The following RASGEF1A variants were observed in gnomAD, a reference collection of about 807,000 sequenced individuals.
RASGEF1A encodes the protein ras-GEF domain-containing family member 1A.
RASGEF1A carries 18 observed loss-of-function variants against 56.4 expected under a neutral mutation model. The ratio of observed to expected loss-of-function variants is 0.32; its 90% CI spans 0.22 to 0.47. RASGEF1A has a LOEUF of 0.47. Ranked by LOEUF, RASGEF1A falls within the 20% of genes least tolerant of loss-of-function variation. The pLI is 1.00. For synonymous variants in RASGEF1A, 245 were observed against 242.6 expected, an observed-to-expected ratio of 1.01 and a Z score of -0.09; for missense variants, 422 against 627.1, an observed-to-expected ratio of 0.67 and a Z score of 3.49.
chr10:43,235,633 T>G (rs1840420192), intron 1 of RASGEF1A, among the ~76,000 whole-genome samples: 1 of 152,208 alleles, frequency 6.6e-6, no homozygotes, highest in South Asian at 2.1e-4. Context: ...TGTGTGGGAC[T>G]CAGTGCTCAG....
intron 1 of RASGEF1A, among the ~76,000 whole-genome samples, chr10:43,227,273 C>A (rs1046494098): frequency 6.6e-6 from 1 of 152,182 alleles, no homozygotes; most frequent in Admixed American, 6.5e-5. Flanking sequence ...CTCCCCCAGG[C>A]AGCCCTTCCT....
chr10:43,230,799 C>G (rs1054905134), intron 1 of RASGEF1A, among the ~76,000 whole-genome samples: 1 of 152,202 alleles, frequency 6.6e-6, no homozygotes, highest in Non-Finnish European at 1.5e-5. Context: ...TGCCTCCCAG[C>G]TTGTTTGCCT....
chr10:43,205,022 G>T (rs1198745218), intron 2 of RASGEF1A, among the ~76,000 whole-genome samples: 1 of 152,230 alleles, frequency 6.6e-6, no homozygotes, highest in African/African-American at 2.4e-5. Context: ...CAACAGAAAG[G>T]CAAGGCCCCC....
rs138082482 is a variant in RASGEF1A, at chr10:43,234,371, G to A, written c.-6-28249C>T. Among the ~76,000 whole-genome samples the A allele has an allele frequency of 3.2e-3, 481 of 152,262 alleles. 2 individuals carry two copies. Among genetic ancestry groups the A allele is most frequent in the Non-Finnish European group, 5.5e-3 (377 of 68,024 alleles). ...TCATCCCCCCAAGAACAAAGGCAGAGTTGGGGCAAACCCTGCTCCCTCTTC... is the reference window on the plus strand; with the variant it reads ...TCATCCCCCCAAGAACAAAGGCAGAATTGGGGCAAACCCTGCTCCCTCTTC... On this transcript the variant is annotated intron_variant, in intron 1 of 12. Transcript: ENST00000395810.
intron 4 of RASGEF1A, 75 bp downstream of exon 4, chr10:43,201,733 C>A: frequency 7.1e-7 from 1 of 1,416,418 alleles, no homozygotes; most frequent in Admixed American, 2.2e-5. Flanking sequence ...GAGTTGTCCC[C>A]GAAGCCCCCA....
rs1420251891 is a variant in RASGEF1A at position 43,196,681 on chromosome 10, G to T, written c.1349-133C>A. On this transcript the variant is annotated intron_variant, in intron 11 of 12. Coordinates refer to ENST00000395810, the MANE Select transcript of RASGEF1A (RefSeq NM_145313.4). The surrounding 1 kb of genome is among the most constrained non-coding windows in gnomAD (Gnocchi z 4.6). ...GCTGGGCTGAACACAGTTCTCTGCT[G>T]TGCGGGGCTCTCAGGCTGCCTGTTG... The T allele has an allele frequency of 4.6e-6, 4 of 879,032 alleles. No individual in the cohort carries two copies. The highest frequency in any genetic ancestry group is 7.2e-6 in the Non-Finnish European group (4 of 551,864). The allele number at this position is 879,032 out of a possible 1,614,324, so 54.5% of individuals were successfully genotyped here.
chr10:43,203,151 C>G (rs1839934633), intron 3 of RASGEF1A, 147 bp downstream of exon 3: 1 of 632,338 alleles, frequency 1.6e-6, no homozygotes, highest in African/African-American at 1.9e-5. Flanking sequence ...CCCCATCCCA[C>G]AGTCCCAGCC....
chr10:43,234,031 C>T (rs1444687368), intron 1 of RASGEF1A, among the ~76,000 whole-genome samples: 1 of 151,850 alleles, frequency 6.6e-6, no homozygotes, highest in African/African-American at 2.4e-5. Flanking sequence ...AGCTCAGGGC[C>T]GGGGAGGGCA....
intron 1 of RASGEF1A, among the ~76,000 whole-genome samples, chr10:43,254,037 C>T (rs1290890796): frequency 6.6e-6 from 1 of 152,204 alleles, no homozygotes; most frequent in African/African-American, 2.4e-5. Flanking sequence ...CCATCCTCCC[C>T]ACCCTCAGGC....
chr10:43,267,049 ACGAGCGAGCGCGGAGCGAG>A (rs1836639283), exon 1 of RASGEF1A: 3 of 149,506 alleles, frequency 2.0e-5, no homozygotes, highest in African/African-American at 2.4e-5. Context: ...GAGCGAGCGA[ACGAGCGAGCGCGGAGCGAG>A]CGCCGAGCGG....
chr10:43,202,097 C>G (rs765814536), intron 3 of RASGEF1A, 152 bp from the exon 4 acceptor site: 157 of 687,490 alleles, frequency 2.3e-4, no homozygotes, highest in Non-Finnish European at 3.2e-4. Flanking sequence ...TTTGGCCAAA[C>G]CTGAACCGCC....
chr10:43,237,216 C>T (rs918506846), intron 1 of RASGEF1A, among the ~76,000 whole-genome samples: 1 of 152,102 alleles, frequency 6.6e-6, no homozygotes, highest in Non-Finnish European at 1.5e-5. Context: ...CCAGCCTGCT[C>T]TATGGAAATT....
At chr10:43,239,283 A>G (rs548775076) in intron 1 of RASGEF1A, among the ~76,000 whole-genome samples, 1 of 152,384 alleles carries the variant, frequency 6.6e-6, no homozygotes, top group South Asian at 2.1e-4. Context: ...CATATAAAAG[A>G]TGAACTCCTA....
In RASGEF1A at chr10:43,198,050, T is replaced by G; in HGVS notation, c.1178A>C (p.His393Pro). 6.2e-7 allele frequency: 1 copy of G among 1,614,000 alleles called. No homozygotes were observed. The highest frequency in any genetic ancestry group is 8.5e-7 in the Non-Finnish European group (1 of 1,179,870). ...NLFVKDIYFL[H>P]KIHTNHLPNG... ...GGGCAGGTGGTTGGTATGGATTTTGTGCAGGAAGTAGATGTCCTTAACGAA... is the reference window on the plus strand; with the variant it reads ...GGGCAGGTGGTTGGTATGGATTTTGGGCAGGAAGTAGATGTCCTTAACGAA... The change falls in exon 10 of 13, where the codon CAC (histidine) becomes CCC (proline). Residue 393 changes from histidine to proline, a missense_variant. Transcript: ENST00000395810.
chr10:43,241,343 G>T (rs1840495761), intron 1 of RASGEF1A, among the ~76,000 whole-genome samples: 1 of 152,136 alleles, frequency 6.6e-6, no homozygotes. Flanking sequence ...ATAGATTGAT[G>T]AGCACACAAG....
At chr10:43,240,901 T>G (rs1439779207) in intron 1 of RASGEF1A, among the ~76,000 whole-genome samples, 1 of 152,166 alleles carries the variant, frequency 6.6e-6, no homozygotes. Context: ...TCAGGAACCA[T>G]GAAGGGCAGG....
chr10:43,196,281 A>G lies in RASGEF1A; in HGVS notation c.1422-13T>C, dbSNP rs377261048. ...CAGAAGGGTGGTCCTAGAGGGGGAC[A>G]GGACAAGCAGTGCTCAGGCCCGAGC... On this transcript the variant is annotated splice_polypyrimidine_tract_variant and intron_variant, in intron 12 of 12. Transcript: ENST00000395810. The surrounding 1 kb of genome is among the most constrained non-coding windows in gnomAD (Gnocchi z 4.6). The G allele has an allele frequency of 1.2e-5, 19 of 1,613,374 alleles. No individual in the cohort carries two copies. In the South Asian group the frequency reaches 1.3e-4, roughly 11 times the overall value.
At chr10:43,205,370 G>A (rs997305768) in intron 2 of RASGEF1A, among the ~76,000 whole-genome samples, 1 of 152,176 alleles carries the variant, frequency 6.6e-6, no homozygotes, top group Non-Finnish European at 1.5e-5. Context: ...ACCTTGAGGT[G>A]AAAAGGGAGG....
chr10:43,243,551 C>T (rs1329719797), intron 1 of RASGEF1A, among the ~76,000 whole-genome samples: 27 of 146,078 alleles, frequency 1.8e-4, no homozygotes, highest in Middle Eastern at 4.0e-3. Context: ...TGCCTCTGCC[C>T]GGCCGCCCCG....
Sources: gnomAD v4.1 joint callset for allele counts (sites outside exome capture counted in the v4.1 genomes callset) on GRCh38, gnomAD v4.1.1 for gene constraint, Gnocchi (gnomAD v3.1) non-coding constraint, MANE v1.5 for transcripts, NCBI Gene and HGNC (gene_info 2026-07-23, HGNC 2026-07-21) for gene names.